SMC2: variants seen among roughly 807,000 people sequenced by gnomAD.
SMC2 encodes the protein structural maintenance of chromosomes 2.
In SMC2, 41 loss-of-function variants were observed where a neutral mutation model predicts 142.6. The ratio of observed to expected loss-of-function variants is 0.29; its 90% CI spans 0.22 to 0.37. SMC2 has a LOEUF of 0.37. Among genes scored for constraint, SMC2 ranks in the 10% least tolerant of loss-of-function variants. The pLI is 1.00. For missense variants in SMC2, 1,265 were observed against 1,373.7 expected (o/e 0.92, Z 1.25); for synonymous variants, 463 against 457.5 (o/e 1.01, Z -0.15).
chr9:104,099,955 A>G lies in SMC2; in HGVS notation c.481-138A>G, dbSNP rs929755942. 4.8e-5 allele frequency: 31 copies of G among 641,658 alleles called. 1 individual carries two copies. Among genetic ancestry groups the G allele is most frequent in the Middle Eastern group, 4.2e-4 (1 of 2,376 alleles). 39.7% of individuals were successfully genotyped at this position (641,658 alleles called of 1,614,324 possible). A position where few individuals can be genotyped will look rare whatever the true frequency, so the allele number is the denominator to read the frequency against. On this transcript the variant is annotated intron_variant, in intron 5 of 24. Coordinates refer to ENST00000374793, the MANE Select transcript of SMC2 (RefSeq NM_006444.3). ...GAAAAGGTTTGTGTGAAATTACTAT[A>G]TTTAACCTATATGGTTCATTTGGGC... is the stretch of plus-strand genomic sequence containing the variant.
chr9:104,111,308 T>G (rs1190465945), intron 9 of SMC2, among the ~76,000 whole-genome samples: 1 of 152,210 alleles, frequency 6.6e-6, no homozygotes, highest in African/African-American at 2.4e-5. Flanking sequence ...TTCAAGTGAT[T>G]TGTTTAAATC....
rs1323133616 is a variant in SMC2 at position 104,098,562 on chromosome 9, C to T, written c.435C>T (p.Ile145=). The part of the protein sequence containing the change: ...GLNVNNPHFL[I]MQGRITKVLN... Reference sequence around the variant, plus strand: ...ATGTTAACAACCCTCACTTTCTCATCATGCAGGTATTTCGTTTGAGGTCTT... The same window carrying T: ...ATGTTAACAACCCTCACTTTCTCATTATGCAGGTATTTCGTTTGAGGTCTT... Residue 145 remains isoleucine, a synonymous_variant, in exon 4 of 25, where the codon ATC becomes ATT. Transcript: ENST00000374793. 5 of 1,586,806 alleles carry T rather than the reference C, an allele frequency of 3.2e-6. No homozygotes were observed. The African/African-American group carries it at 5.5e-5, about 17-fold the overall frequency.
chr9:104,104,275 A>G (rs1342076856), intron 9 of SMC2, among the ~76,000 whole-genome samples: 6 of 152,230 alleles, frequency 3.9e-5, no homozygotes, highest in African/African-American at 1.4e-4. Context: ...GCCAGCAGAC[A>G]TAACACATTC....
At chr9:104,121,761 G>C (rs1368640703) in intron 16 of SMC2, among the ~76,000 whole-genome samples, 1 of 152,016 alleles carries the variant, frequency 6.6e-6, no homozygotes, top group African/African-American at 2.4e-5. Context: ...TGGCCATTCA[G>C]AGATATAAAT....
chr9:104,099,749 T>A, intron 5 of SMC2, 67 bp downstream of exon 5: 1 of 996,572 alleles, frequency 1.0e-6, no homozygotes, highest in Non-Finnish European at 1.5e-6. Flanking sequence ...TTCAGACAAT[T>A]TTTAAATATT....
rs1833235924 is a variant in SMC2 at position 104,117,365 on chromosome 9, C to G, written c.1792-806C>G. Among the ~76,000 whole-genome samples the G allele has an allele frequency of 2.6e-5, 4 of 152,202 alleles. No homozygotes were observed. The South Asian group carries it at 8.3e-4, about 31-fold the overall frequency. The stretch of plus-strand genomic sequence containing the variant: ...ACTGAACATGTGTTACATAGAGCTT[C>G]CTTCATTGTGACTGCCACTGCTGAT... On this transcript the variant is annotated intron_variant, in intron 14 of 24. Transcript: ENST00000374793.
At chr9:104,114,232 C>T (rs752673801) in intron 12 of SMC2, 151 bp downstream of exon 12, 1 of 499,242 alleles carries the variant, frequency 2.0e-6, no homozygotes, top group Non-Finnish European at 3.6e-6. Flanking sequence ...TTCCTTTAAA[C>T]ATTTGTTGAA....
At chr9:104,121,351 T>C (rs1354933966) in intron 16 of SMC2, among the ~76,000 whole-genome samples, 1 of 151,842 alleles carries the variant, frequency 6.6e-6, no homozygotes, top group East Asian at 1.9e-4. Flanking sequence ...AAAAAGTTAG[T>C]CAGGCGTGGT....
Position 104,131,895 on chromosome 9 carries a change from T to C in SMC2, c.2992-114T>C, listed in dbSNP as rs1375250160. Reference sequence around the variant, plus strand: ...TAGTGCATTATATCTTTTTGGTAAATAGCAATGTATGTATTGTATATAAAA... The same window carrying C: ...TAGTGCATTATATCTTTTTGGTAAACAGCAATGTATGTATTGTATATAAAA... On this transcript the variant is annotated intron_variant, in intron 21 of 24. Coordinates refer to ENST00000374793, the MANE Select transcript of SMC2 (RefSeq NM_006444.3). 7 of 608,792 alleles carry C rather than the reference T, an allele frequency of 1.1e-5. No homozygotes were observed. The East Asian group carries it at 2.0e-4, about 17-fold the overall frequency. The allele number at this position is 608,792 out of a possible 1,614,324, so 37.7% of individuals were successfully genotyped here.
Position 104,126,824 on chromosome 9 carries a change from A to G in SMC2, c.2595+40A>G, listed in dbSNP as rs897835933. 10 of 1,558,684 alleles carry G rather than the reference A, an allele frequency of 6.4e-6. No homozygotes were observed. In the African/African-American group the frequency reaches 1.2e-4, roughly 19 times the overall value. ...TCAAATTCGAGAAATTGAAAATGCG[A>G]ATCTTTTTATGAAACATTAGCTTAA... On this transcript the variant is annotated intron_variant, in intron 19 of 24. Transcript: ENST00000374793.
intron 9 of SMC2, among the ~76,000 whole-genome samples, chr9:104,109,657 T>C (rs956631279): frequency 2.0e-5 from 3 of 152,174 alleles, no homozygotes; most frequent in Non-Finnish European, 4.4e-5. Context: ...TATTAGCAGA[T>C]TTTTCTCAAT....
intron 23 of SMC2, among the ~76,000 whole-genome samples, chr9:104,137,670 TA>T (rs34651335): frequency 0.59 from 89,797 of 151,920 alleles, 28,001 homozygotes; most frequent in African/African-American, 0.75. Context: ...CCATAGCTCT[TA>T]ACCTGCTACC....
rs763300920 is a variant in SMC2 at position 104,096,246 on chromosome 9, G to C, written c.267G>C (p.Lys89Asn). 3 of 1,614,176 alleles carry C rather than the reference G, an allele frequency of 1.9e-6. No homozygotes were observed. Among genetic ancestry groups the C allele is most frequent in the Non-Finnish European group, 1.7e-6 (2 of 1,179,986 alleles). Reference protein sequence around the residue: ...VSITFDNSDKKQSPLGFEVHD... With the variant: ...VSITFDNSDKNQSPLGFEVHD... Reference sequence around the variant, plus strand: ...TCACTTTTGATAATTCTGACAAAAAGCAAAGTCCTTTAGGATTTGAGGTTC... The same window carrying C: ...TCACTTTTGATAATTCTGACAAAAACCAAAGTCCTTTAGGATTTGAGGTTC... Residue 89 changes from lysine to asparagine, a missense_variant, in exon 3 of 25, where the codon AAG becomes AAC. By Grantham distance (94) the Lys-to-Asn change is moderately conservative. This residue lies in a region of SMC2 where 168 missense variants were observed against 184.8 expected (regional missense o/e 0.91). Transcript: ENST00000374793.
At chr9:104,112,212 G>T (rs914574148) in intron 10 of SMC2, among the ~76,000 whole-genome samples, 1 of 152,102 alleles carries the variant, frequency 6.6e-6, no homozygotes, top group Non-Finnish European at 1.5e-5. Flanking sequence ...CCTCCCCATT[G>T]CTTTGCCTGC....
At chr9:104,124,622 GA>G (rs746710448) in intron 17 of SMC2, among the ~76,000 whole-genome samples, 10 of 117,002 alleles carry the variant, frequency 8.5e-5, no homozygotes, top group Non-Finnish European at 1.2e-4. Flanking sequence ...TATGATCTGT[GA>G]TTTTTTTTTT....
At chr9:104,111,039 T>G (rs1482736886) in intron 9 of SMC2, among the ~76,000 whole-genome samples, 1 of 152,190 alleles carries the variant, frequency 6.6e-6, no homozygotes, top group Non-Finnish European at 1.5e-5. Context: ...GTCACTTTAA[T>G]TGTAAGTAAG....
At chr9:104,098,614 A>T in intron 4 of SMC2, 46 bp downstream of exon 4, 1 of 1,550,964 alleles carries the variant, frequency 6.4e-7, no homozygotes, top group African/African-American at 1.4e-5. Context: ...TAGTTTCGAC[A>T]TTTTTTACTT....
chr9:104,102,953 G>T (rs903361037), intron 9 of SMC2, among the ~76,000 whole-genome samples: 3 of 152,086 alleles, frequency 2.0e-5, no homozygotes, highest in African/African-American at 7.2e-5. Context: ...AATACAGTAT[G>T]AATATAATAG....
At chr9:104,134,176 T>G (rs1391746560) in intron 22 of SMC2, among the ~76,000 whole-genome samples, 1 of 152,102 alleles carries the variant, frequency 6.6e-6, no homozygotes, top group Non-Finnish European at 1.5e-5. Context: ...AAATATTTTT[T>G]GCTTGGGAGC....
Sources: gnomAD v4.1 joint callset for allele counts (sites outside exome capture counted in the v4.1 genomes callset) on GRCh38, gnomAD v4.1.1 for gene constraint, gnomAD v4.1.1 regional missense constraint, MANE v1.5 for transcripts, NCBI Gene and HGNC (gene_info 2026-07-23, HGNC 2026-07-21) for gene names.